PTPRD: variants seen among roughly 807,000 people sequenced by gnomAD.
PTPRD encodes the protein protein tyrosine phosphatase receptor type D.
A neutral mutation model predicts 214.5 loss-of-function variants in PTPRD; 34 were observed. The ratio of observed to expected loss-of-function variants is 0.16; its 90% CI spans 0.12 to 0.21. PTPRD has a LOEUF of 0.21. Among genes scored for constraint, PTPRD ranks in the 10% least tolerant of loss-of-function variants. PTPRD has a pLI of 1.00. For missense variants in PTPRD, 2,545 were observed against 2,398.7 expected (o/e 1.06, Z -1.27); for synonymous variants, 1,128 against 845.7 (o/e 1.33, Z -5.79).
chr9:9,114,697 C>G (rs534421405), intron 10 of PTPRD, among the ~76,000 whole-genome samples: 16 of 152,130 alleles, frequency 1.1e-4, no homozygotes, highest in Non-Finnish European at 1.9e-4. Flanking sequence ...TTTACAAGCT[C>G]CAAAAAATAA....
chr9:8,913,570 A>T (rs188860363), intron 11 of PTPRD, among the ~76,000 whole-genome samples: 2 of 152,226 alleles, frequency 1.3e-5, no homozygotes, highest in African/African-American at 2.4e-5. Context: ...AAGTATTATA[A>T]TGAGTGACTT....
chr9:9,488,729 T>A (rs1432715382), intron 8 of PTPRD, among the ~76,000 whole-genome samples: 1 of 152,102 alleles, frequency 6.6e-6, no homozygotes, highest in Admixed American at 6.6e-5. Flanking sequence ...GCTTGCAACT[T>A]CCAGGTAAAG....
At chr9:9,559,900 C>T (rs1383235452) in intron 8 of PTPRD, among the ~76,000 whole-genome samples, 2 of 152,214 alleles carry the variant, frequency 1.3e-5, no homozygotes, top group Non-Finnish European at 2.9e-5. Context: ...ACAGAGGTTT[C>T]ACTTCCACTG....
chr9:9,497,706 T>C (rs1300356450), intron 8 of PTPRD, among the ~76,000 whole-genome samples: 1 of 152,110 alleles, frequency 6.6e-6, no homozygotes, highest in African/African-American at 2.4e-5. Context: ...AATTACCACC[T>C]TTATGCCTCC....
intron 6 of PTPRD, among the ~76,000 whole-genome samples, chr9:9,757,907 C>A (rs2098603283): frequency 6.6e-6 from 1 of 151,932 alleles, no homozygotes; most frequent in Non-Finnish European, 1.5e-5. Context: ...CATTGTGGAG[C>A]CCAAGTGAAG....
chr9:9,061,526 C>T (rs2099707372), intron 10 of PTPRD, among the ~76,000 whole-genome samples: 1 of 152,082 alleles, frequency 6.6e-6, no homozygotes, highest in Admixed American at 6.5e-5. Context: ...CCATATATAG[C>T]CTGAGCCTTC....
intron 39 of PTPRD, among the ~76,000 whole-genome samples, chr9:8,367,631 T>A (rs2080288004): frequency 6.6e-6 from 1 of 152,194 alleles, no homozygotes; most frequent in Non-Finnish European, 1.5e-5. Flanking sequence ...ATATTCCAGT[T>A]GCCACCCATC....
chr9:9,412,660 C>G (rs1313460409), intron 8 of PTPRD, among the ~76,000 whole-genome samples: 1 of 152,154 alleles, frequency 6.6e-6, no homozygotes, highest in Non-Finnish European at 1.5e-5. Flanking sequence ...TTCATACACA[C>G]CTCTCTTCGC....
chr9:8,549,109 T>C (rs2081229719), intron 14 of PTPRD, among the ~76,000 whole-genome samples: 1 of 152,190 alleles, frequency 6.6e-6, no homozygotes, highest in Non-Finnish European at 1.5e-5. Flanking sequence ...AGGTAGTTAC[T>C]ATATTAGTTT....
At chr9:10,565,184 T>C (rs948193406) in intron 2 of PTPRD, among the ~76,000 whole-genome samples, 17 of 152,106 alleles carry the variant, frequency 1.1e-4, no homozygotes, top group African/African-American at 4.1e-4. Context: ...GTATTTCTAT[T>C]TAAAGACATA....
intron 14 of PTPRD, among the ~76,000 whole-genome samples, chr9:8,626,384 G>C (rs946948044): frequency 2.0e-5 from 3 of 151,800 alleles, no homozygotes; most frequent in Non-Finnish European, 4.4e-5. Context: ...TAGCCAATGA[G>C]TCACGTCCCA....
intron 11 of PTPRD, among the ~76,000 whole-genome samples, chr9:8,840,460 T>C (rs866320254): frequency 2.0e-5 from 3 of 152,228 alleles, no homozygotes; most frequent in African/African-American, 2.4e-5. Context: ...ATTGCAAGTC[T>C]ATTAAACCTT....
At position 10,290,385 on chromosome 9, in the gene PTPRD, G is replaced by A. The variant is rs185050300; in HGVS notation, c.-545+50578C>T. Reference sequence around the variant, plus strand: ...ATCTAAAGGAGGCATTGATGCACATGTAAACCCATAAATCAGGTTCCGACT... The same window carrying A: ...ATCTAAAGGAGGCATTGATGCACATATAAACCCATAAATCAGGTTCCGACT... On this transcript the variant is annotated intron_variant, in intron 3 of 45. Coordinates refer to ENST00000381196, the MANE Select transcript of PTPRD (RefSeq NM_002839.4). 5.9e-5 allele frequency among the ~76,000 whole-genome samples: 9 copies of A among 152,180 alleles called. No homozygotes were observed. The East Asian group carries it at 1.7e-3, about 29-fold the overall frequency.
chr9:8,929,874 T>C (rs1350696402), intron 11 of PTPRD, among the ~76,000 whole-genome samples: 1 of 84,580 alleles, frequency 1.2e-5, no homozygotes, highest in African/African-American at 4.0e-5. Flanking sequence ...TACATGTGTG[T>C]GTATATATGT....
At chr9:8,641,240 GA>G (rs777232807) in intron 12 of PTPRD, among the ~76,000 whole-genome samples, 3 of 148,394 alleles carry the variant, frequency 2.0e-5, no homozygotes, top group Non-Finnish European at 4.4e-5. Flanking sequence ...GACAGACTAA[GA>G]TTTGAATCGT....
intron 16 of PTPRD, 101 bp downstream of exon 16, chr9:8,527,244 A>G (rs951070596): frequency 1.4e-5 from 17 of 1,251,694 alleles, no homozygotes; most frequent in Non-Finnish European, 1.8e-5. Flanking sequence ...CTACACTGAC[A>G]GTTAGTAAAA....
intron 14 of PTPRD, among the ~76,000 whole-genome samples, chr9:8,529,840 T>C (rs1328847509): frequency 2.0e-5 from 3 of 152,154 alleles, no homozygotes; most frequent in Non-Finnish European, 4.4e-5. Context: ...ATGCACAACG[T>C]GCAGGTTTGT....
At chr9:9,857,115 A>G (rs1024164293) in intron 5 of PTPRD, among the ~76,000 whole-genome samples, 1 of 152,116 alleles carries the variant, frequency 6.6e-6, no homozygotes, top group Admixed American at 6.5e-5. Flanking sequence ...AACTTTGTGG[A>G]AACTGTACTT....
At chr9:10,506,992 G>A (rs573891002) in intron 2 of PTPRD, among the ~76,000 whole-genome samples, 6 of 152,192 alleles carry the variant, frequency 3.9e-5, no homozygotes, top group Admixed American at 2.6e-4. Context: ...TAGGAGTGGT[G>A]AGAGAGGGCA....
Sources: gnomAD v4.1 joint callset for allele counts (sites outside exome capture counted in the v4.1 genomes callset) on GRCh38, gnomAD v4.1.1 for gene constraint, MANE v1.5 for transcripts, NCBI Gene and HGNC (gene_info 2026-07-23, HGNC 2026-07-21) for gene names.